The following CR1 variants were observed in gnomAD, a reference collection of about 807,000 sequenced individuals.
CR1 encodes complement C3b/C4b receptor 1 (Knops blood group).
In CR1, 116 loss-of-function variants were observed where a neutral mutation model predicts 187.3. The observed-to-expected ratio is 0.62, with a 90% CI of 0.53 to 0.72. The LOEUF (loss-of-function observed/expected upper bound fraction) is 0.72. Ranked by LOEUF, CR1 falls within the 30% of genes least tolerant of loss-of-function variation. The pLI, the probability that CR1 is intolerant of heterozygous loss-of-function variation, is 0.00. For missense variants in CR1, 1,731 were observed against 2,110.7 expected (o/e 0.82, Z 3.52); for synonymous variants, 576 against 747.1 (o/e 0.77, Z 3.73).
At chr1:207,604,021 C>T (rs888743380) in intron 35 of CR1, among the ~76,000 whole-genome samples, 1 of 152,146 alleles carries the variant, frequency 6.6e-6, no homozygotes, top group Admixed American at 6.6e-5. Flanking sequence ...TTGACCATGA[C>T]CTACGGAGTG....
At chr1:207,602,175 A>G (rs1228934572) in intron 35 of CR1, among the ~76,000 whole-genome samples, 1 of 152,172 alleles carries the variant, frequency 6.6e-6, no homozygotes, top group Non-Finnish European at 1.5e-5. Context: ...ACCACCACAA[A>G]GAAGCACCTT....
chr1:207,577,989 C>G lies in CR1; in HGVS notation c.4722C>G (p.Ile1574Met), dbSNP rs750598422. Reference sequence around the variant, plus strand: ...CCAGCAATGACGATCAAGTGGGCATCTGGAGCGGCCCCGCCCCTCAGTGCA... The same window carrying G: ...CCAGCAATGACGATCAAGTGGGCATGTGGAGCGGCCCCGCCCCTCAGTGCA... ...YCTSNDDQVG[I>M]WSGPAPQCII... Residue 1574 changes from isoleucine (I) to methionine (M), a missense_variant, in exon 29 of 47, where the codon ATC (isoleucine) becomes ATG (methionine). Ile to Met is a conservative substitution (Grantham distance 10, BLOSUM62 1). Coordinates refer to ENST00000367049, the MANE Select transcript of CR1 (RefSeq NM_000651.6). 4.5e-5 allele frequency: 73 copies of G among 1,611,704 alleles called. No individual in the cohort carries two copies. The highest frequency in any genetic ancestry group is 5.8e-5 in the Non-Finnish European group (68 of 1,179,730).
At chr1:207,567,271 T>TG (rs1019628394) in intron 24 of CR1, among the ~76,000 whole-genome samples, 1 of 149,718 alleles carries the variant, frequency 6.7e-6, no homozygotes, top group Admixed American at 6.6e-5. Context: ...TGGAGTTTTT[T>TG]TTTTTTTTTT....
At chr1:207,521,071 G>T (rs111331724) in intron 4 of CR1, among the ~76,000 whole-genome samples, 5 of 149,772 alleles carry the variant, frequency 3.3e-5, no homozygotes, top group African/African-American at 1.2e-4. Context: ...CCGCCTCCGG[G>T]GTTCAAGTTA....
intron 24 of CR1, among the ~76,000 whole-genome samples, chr1:207,566,730 C>T (rs868729749): frequency 6.7e-6 from 1 of 150,162 alleles, no homozygotes; most frequent in Non-Finnish European, 1.5e-5. Flanking sequence ...GTTCAATAAT[C>T]AGTAGACTAC....
At chr1:207,595,137 C>A (rs1661390683) in intron 35 of CR1, among the ~76,000 whole-genome samples, 1 of 147,694 alleles carries the variant, frequency 6.8e-6, no homozygotes, top group African/African-American at 2.5e-5. Flanking sequence ...GCCCCCAACC[C>A]CCGGAAAAAA....
rs189476831 is a variant in CR1, at chr1:207,565,590, C to T, written c.3867-248C>T. 2.5e-4 allele frequency among the ~76,000 whole-genome samples: 38 copies of T among 150,204 alleles called. 5 individuals carry two copies. The highest frequency in any genetic ancestry group is 8.3e-4 in the African/African-American group (33 of 39,678). On this transcript the variant is annotated intron_variant, in intron 23 of 46. Transcript: ENST00000367049. ...CCTGGGTCCTGGGTCAAGGGGATGG[C>T]GCCTATGTCATGACCACCTTTTTCA...
rs1201791627 is a variant in CR1, at chr1:207,580,280, C to T, written c.4977C>T (p.Thr1659=). 2.0e-5 allele frequency: 33 copies of T among 1,613,634 alleles called. No individual in the cohort carries two copies. The highest frequency in any genetic ancestry group is 2.7e-5 in the Non-Finnish European group (32 of 1,179,842). Residue 1659 remains threonine (T), a synonymous_variant, in exon 30 of 47, where the codon ACC becomes ACT. Transcript: ENST00000367049. ...PPPEILHGEH[T]PSHQDNFSPG... is the part of the protein sequence containing the mutation. ...CAGAAATCCTGCATGGTGAGCATAC[C>T]CCAAGCCATCAGGACAACTTTTCAC...
chr1:207,616,255 A>G (rs374547660), intron 40 of CR1, among the ~76,000 whole-genome samples: 54 of 152,326 alleles, frequency 3.5e-4, no homozygotes, highest in African/African-American at 1.2e-3. Flanking sequence ...CAGGAATCTT[A>G]CTATGCCTGA....
chr1:207,593,298 A>G (rs1358123300), intron 35 of CR1, among the ~76,000 whole-genome samples: 1 of 152,130 alleles, frequency 6.6e-6, no homozygotes, highest in Admixed American at 6.5e-5. Context: ...CTCAGAAATA[A>G]TGCCACACAT....
At chr1:207,526,633 G>A (rs1660181918) in intron 5 of CR1, 120 bp from the exon 6 acceptor site, 27 of 1,448,420 alleles carry the variant, frequency 1.9e-5, no homozygotes, top group Non-Finnish European at 2.5e-5. Context: ...ATGTAATAAG[G>A]CTGTTATTCT....
intron 1 of CR1, among the ~76,000 whole-genome samples, chr1:207,501,858 A>G (rs1358666138): frequency 6.6e-6 from 1 of 152,080 alleles, no homozygotes; most frequent in Non-Finnish European, 1.5e-5. Context: ...CATCCCACAT[A>G]TCAACTAGAG....
At chr1:207,580,450 T>C (rs1197870781) in intron 30 of CR1, 34 bp downstream of exon 30, 2 of 1,609,122 alleles carry the variant, frequency 1.2e-6, no homozygotes, top group Non-Finnish European at 1.7e-6. Context: ...GATTTCTCTC[T>C]TTACCCCACA....
At chr1:207,617,507 A>ATATATATATATGTG (rs1332301171) in intron 41 of CR1, among the ~76,000 whole-genome samples, 9 of 47,028 alleles carry the variant, frequency 1.9e-4, no homozygotes, top group East Asian at 9.2e-4. Flanking sequence ...ATATATATAT[A>ATATATATATATGTG]TGTGTGTGTG....
chr1:207,622,803 A>C (rs1015468588), intron 44 of CR1, among the ~76,000 whole-genome samples, 190 bp from the exon 45 acceptor site: 18 of 152,102 alleles, frequency 1.2e-4, no homozygotes, highest in Non-Finnish European at 2.6e-4. Flanking sequence ...CTCAGCTCAC[A>C]CCTTAACTTT....
chr1:207,499,501 A>G (rs114301450), intron 1 of CR1, among the ~76,000 whole-genome samples: 126 of 152,274 alleles, frequency 8.3e-4, no homozygotes, highest in Admixed American at 1.4e-3. Context: ...ATCCGTAAGG[A>G]CATACTTGAA....
intron 36 of CR1, 73 bp from the exon 37 acceptor site, chr1:207,609,217 G>A (rs1661836547): frequency 7.8e-7 from 1 of 1,286,098 alleles, no homozygotes; most frequent in Non-Finnish European, 1.1e-6. Flanking sequence ...ATTTGCATTT[G>A]GTATTTAAAT....
chr1:207,607,525 T>C (rs1661787535), intron 36 of CR1, among the ~76,000 whole-genome samples, 189 bp downstream of exon 36: 1 of 152,182 alleles, frequency 6.6e-6, no homozygotes, highest in Non-Finnish European at 1.5e-5. Flanking sequence ...ACTGTGGGCT[T>C]GAACCTAGGC....
Position 207,640,922 on chromosome 1 carries a change from C to T in CR1, c.*1513C>T, listed in dbSNP as rs1277425725. On this transcript the variant is annotated 3_prime_UTR_variant, in exon 47 of 47. Coordinates refer to ENST00000367049, the MANE Select transcript of CR1 (RefSeq NM_000651.6). Reference sequence around the variant, plus strand: ...ATCATGGAAGAGAGGGAAAAAAAACCAGCTTAAGAAAAATCAACTGATAAA... The same window carrying T: ...ATCATGGAAGAGAGGGAAAAAAAACTAGCTTAAGAAAAATCAACTGATAAA... 1 of 152,006 alleles carries T rather than the reference C, an allele frequency of 6.6e-6. No individual in the cohort carries two copies. The highest frequency in any genetic ancestry group is 1.5e-5 in the Non-Finnish European group (1 of 68,008). 9.4% of individuals were successfully genotyped at this position (152,006 alleles called of 1,614,324 possible).
Sources: allele counts gnomAD v4.1 joint callset (sites outside exome capture counted in the v4.1 genomes callset), GRCh38; gene constraint gnomAD v4.1.1; transcripts MANE v1.5; gene names NCBI Gene and HGNC (gene_info 2026-07-23, HGNC 2026-07-21).